The following ACSF2 variants were observed in gnomAD, a reference collection of about 807,000 sequenced individuals.
The protein encoded by ACSF2 is acyl-CoA synthetase family member 2.
ACSF2 carries 52 observed loss-of-function variants against 79.3 expected under a neutral mutation model. The observed-to-expected ratio is 0.66, with a 90% CI of 0.53 to 0.83. The LOEUF (loss-of-function observed/expected upper bound fraction) is 0.83, where lower values mean the gene tolerates loss of function less well. ACSF2 is among the 40% of genes least tolerant of loss of function. The pLI is 0.00. For missense variants in ACSF2, 661 were observed against 803.3 expected, an observed-to-expected ratio of 0.82 and a Z score of 2.14; for synonymous variants, 283 against 312.6, an observed-to-expected ratio of 0.91 and a Z score of 1.00.
intron 1 of ACSF2, among the ~76,000 whole-genome samples, chr17:50,453,643 G>A (rs2031811366): frequency 6.6e-6 from 1 of 152,156 alleles, no homozygotes; most frequent in South Asian, 2.1e-4. Flanking sequence ...CTATAATATT[G>A]TACTATAGTT....
At chr17:50,460,982 C>T in intron 2 of ACSF2, 110 bp downstream of exon 2, 1 of 1,324,724 alleles carries the variant, frequency 7.5e-7, no homozygotes, top group Non-Finnish European at 1.0e-6. Flanking sequence ...TGTGCTAGGG[C>T]TGCCAGAGAA....
At chr17:50,428,984 T>A (rs1915278900) in intron 1 of ACSF2, among the ~76,000 whole-genome samples, 1 of 152,226 alleles carries the variant, frequency 6.6e-6, no homozygotes, top group Admixed American at 6.5e-5. Context: ...GCAAGTGCCA[T>A]GGTGAGGAAT....
intron 1 of ACSF2, among the ~76,000 whole-genome samples, chr17:50,439,232 CTTTTTTTTTTT>C (rs754203020): frequency 4.1e-5 from 4 of 96,464 alleles, no homozygotes; most frequent in African/African-American, 1.9e-4. Context: ...TACCACACAG[CTTTTTTTTTTT>C]TTTTTTTTTT....
At chr17:50,465,371 T>C in intron 10 of ACSF2, 1 of 1,613,974 alleles carries the variant, frequency 6.2e-7, no homozygotes, top group African/African-American at 1.3e-5. Flanking sequence ...GTCACGGATG[T>C]GCTGGCCCTT....
At chr17:50,430,839 T>C (rs778411117) in intron 1 of ACSF2, among the ~76,000 whole-genome samples, 3 of 152,188 alleles carry the variant, frequency 2.0e-5, no homozygotes, top group Non-Finnish European at 2.9e-5. Flanking sequence ...TTTAAACAAT[T>C]GTCCCTGGGA....
Position 50,463,288 on chromosome 17 carries a change from G to C in ACSF2, c.888+37G>C, listed in dbSNP as rs780354443. On this transcript the variant is annotated intron_variant, in intron 7 of 15. Transcript: ENST00000300441. This position sits in a 1 kb window ranked among gnomAD's most constrained non-coding sequence, Gnocchi z 4.6. ...CTAGGCCCAGGGCAAGGCTGCAGGA[G>C]GGGTGGCTCAGGCAGGGGTGGGGGG... 18 of 1,613,140 alleles carry C rather than the reference G, an allele frequency of 1.1e-5. No homozygotes were observed. The highest frequency in any genetic ancestry group is 1.5e-5 in the Non-Finnish European group (18 of 1,179,450).
chr17:50,464,371 T>G, intron 10 of ACSF2, 77 bp downstream of exon 10: 6 of 1,426,572 alleles, frequency 4.2e-6, no homozygotes, highest in Middle Eastern at 1.8e-4. Context: ...TGGGGATGAG[T>G]CCAGGCCAGA....
At chr17:50,472,406 A>G (rs751910021) in intron 11 of ACSF2, 22 bp from the exon 12 acceptor site, 3 of 1,605,224 alleles carry the variant, frequency 1.9e-6, no homozygotes, top group Non-Finnish European at 2.6e-6. Flanking sequence ...GGAAGCCCCA[A>G]CCTGAGGCCA....
rs747642177 is a variant in ACSF2, at chr17:50,426,256, C to G, written c.-6C>G. The G allele has an allele frequency of 3.0e-5, 41 of 1,354,904 alleles. 1 individual carries two copies. The South Asian group carries it at 7.4e-4, about 25-fold the overall frequency. The allele number at this position is 1,354,904 out of a possible 1,614,324, so 83.9% of individuals were successfully genotyped here. On this transcript the variant is annotated 5_prime_UTR_variant, in exon 1 of 16. Transcript: ENST00000300441. The stretch of plus-strand genomic sequence containing the variant: ...ACTCGGGCCGGGACGCAGGGCAAAG[C>G]GAGCCATGGCTGTCTACGTCGGGAT...
chr17:50,445,121 C>T (rs2031211919), intron 1 of ACSF2, among the ~76,000 whole-genome samples: 1 of 152,086 alleles, frequency 6.6e-6, no homozygotes, highest in Non-Finnish European at 1.5e-5. Context: ...CACTGCATTG[C>T]CCAGGCTGGT....
rs1269909068 is a variant in ACSF2 at position 50,464,245 on chromosome 17, C to G, written c.1166C>G (p.Pro389Arg). The stretch of plus-strand genomic sequence containing the variant: ...GTCATTGCTGGGTCCCCTGCACCTC[C>G]AGAGTTGATCCGAGCCATCATCAAC... The part of the protein sequence containing the change: ...GGVIAGSPAP[P>R]ELIRAIINKI... Residue 389 changes from proline to arginine, a missense_variant, in exon 10 of 16, where the codon CCA becomes CGA. Pro to Arg is a moderately radical substitution (Grantham distance 103, BLOSUM62 -2). Coordinates refer to ENST00000300441, the MANE Select transcript of ACSF2 (RefSeq NM_025149.6). The G allele has an allele frequency of 1.9e-6, 3 of 1,614,142 alleles. No homozygotes were observed. The South Asian group carries it at 3.3e-5, about 18-fold the overall frequency.
chr17:50,473,815 C>G lies in ACSF2; in HGVS notation c.1617+9C>G. 6.2e-7 allele frequency: 1 copy of G among 1,614,182 alleles called. No individual in the cohort carries two copies. On this transcript the variant is annotated intron_variant, in intron 13 of 15. Coordinates refer to ENST00000300441, the MANE Select transcript of ACSF2 (RefSeq NM_025149.6). ...AGGTGCAGGAAGTGCAGGTGAGGCA[C>G]TTGGCTCAGGTGAGCCCCCAGAAAC...
In ACSF2 at chr17:50,473,551, G is replaced by C. The variant is rs1054614219; in HGVS notation, c.1476-114G>C. 5 of 1,426,458 alleles carry C rather than the reference G, an allele frequency of 3.5e-6. No individual in the cohort carries two copies. The African/African-American group carries it at 5.6e-5, about 16-fold the overall frequency. The allele number at this position is 1,426,458 out of a possible 1,614,324, so 88.4% of individuals were successfully genotyped here. A position where few individuals can be genotyped will look rare whatever the true frequency, so the allele number is the denominator to read the frequency against. ...TGTCTTGTTCCTGCTATGTCTCCCA[G>C]AGTCTAGAGCAGTGGAAGACACATA... On this transcript the variant is annotated intron_variant, in intron 12 of 15. Coordinates refer to ENST00000300441, the MANE Select transcript of ACSF2 (RefSeq NM_025149.6).
intron 1 of ACSF2, among the ~76,000 whole-genome samples, chr17:50,455,745 A>G (rs959853443): frequency 2.0e-5 from 3 of 152,138 alleles, no homozygotes; most frequent in Non-Finnish European, 2.9e-5. Context: ...TAAGACACCC[A>G]TCACCCACCC....
chr17:50,446,546 C>G (rs1354515755), intron 1 of ACSF2, among the ~76,000 whole-genome samples: 1 of 152,158 alleles, frequency 6.6e-6, no homozygotes, highest in Non-Finnish European at 1.5e-5. Flanking sequence ...CAGAAAAGTA[C>G]ACATATTTTA....
chr17:50,427,593 T>C (rs1178851114), intron 1 of ACSF2, among the ~76,000 whole-genome samples: 1 of 152,118 alleles, frequency 6.6e-6, no homozygotes. Context: ...TCTGGACTCA[T>C]GGCTGCCCCC....
intron 10 of ACSF2, chr17:50,465,987 G>C: frequency 9.0e-7 from 1 of 1,110,712 alleles, no homozygotes; most frequent in Non-Finnish European, 1.3e-6. Flanking sequence ...ACTTTGAGGA[G>C]TTTCCCAGTT....
chr17:50,474,462 A>G lies in ACSF2; in HGVS notation c.1798-40A>G. 6.2e-7 allele frequency: 1 copy of G among 1,608,736 alleles called. No homozygotes were observed. Among genetic ancestry groups the G allele is most frequent in the Non-Finnish European group, 8.5e-7 (1 of 1,175,198 alleles). On this transcript the variant is annotated intron_variant, in intron 15 of 15. Transcript: ENST00000300441. The surrounding 1 kb of genome is among the most constrained non-coding windows in gnomAD (Gnocchi z 4.2). ...GAAACCCCTTATTCTTGGGTGAACC[A>G]AGACAGCTGGTAACCCTAACTCCAT...
intron 1 of ACSF2, among the ~76,000 whole-genome samples, chr17:50,438,573 C>CA (rs1555607256): frequency 6.6e-6 from 1 of 150,900 alleles, no homozygotes. Flanking sequence ...TTTTCTTTTT[C>CA]TTTTTTTTTG....
Sources: gnomAD v4.1 joint callset for allele counts (sites outside exome capture counted in the v4.1 genomes callset) on GRCh38, gnomAD v4.1.1 for gene constraint, Gnocchi (gnomAD v3.1) non-coding constraint, MANE v1.5 for transcripts, NCBI Gene and HGNC (gene_info 2026-07-23, HGNC 2026-07-21) for gene names.